The following MATCAP1 variants were observed in gnomAD, a reference collection of about 807,000 sequenced individuals.
MATCAP1 encodes microtubule associated tyrosine carboxypeptidase 1.
the MATCAP1 span, chr16:67,179,541 C>T: frequency 6.2e-7 from 1 of 1,613,178 alleles, no homozygotes; most frequent in South Asian, 1.1e-5. This position sits in a 1 kb window ranked among gnomAD's most constrained non-coding sequence, Gnocchi z 5.2. Flanking sequence ...GACAGCAGGT[C>T]CTCACTCAGC....
the MATCAP1 span, chr16:67,181,658 C>A: frequency 6.6e-6 from 1 of 152,286 alleles, no homozygotes; most frequent in African/African-American, 2.4e-5. Flanking sequence ...CTCTACTGGA[C>A]TCTTTCCATC....
chr16:67,176,155 A>T, the MATCAP1 span: 1 of 149,078 alleles, frequency 6.7e-6, no homozygotes, highest in African/African-American at 2.6e-5. The surrounding 1 kb of genome is among the most constrained non-coding windows in gnomAD (Gnocchi z 4.3). Context: ...GGTGCCTTCC[A>T]AGAAGGAGTG....
At chr16:67,179,858 G>A in the MATCAP1 span, 13 of 1,614,170 alleles carry the variant, frequency 8.1e-6, no homozygotes, top group South Asian at 2.2e-5. The surrounding 1 kb of genome is among the most constrained non-coding windows in gnomAD (Gnocchi z 5.2). Context: ...GCGCACAATC[G>A]ACCATATCTG....
the MATCAP1 span, chr16:67,178,322 G>A: frequency 1.1e-5 from 17 of 1,582,070 alleles, no homozygotes; most frequent in Admixed American, 1.8e-5. Context: ...CGCGCGGCGC[G>A]GTGGATGGTG....
the MATCAP1 span, chr16:67,179,794 G>C: frequency 6.2e-7 from 1 of 1,613,114 alleles, no homozygotes; most frequent in Non-Finnish European, 8.5e-7. The surrounding 1 kb of genome is among the most constrained non-coding windows in gnomAD (Gnocchi z 5.2). Context: ...TGTAGAGGAA[G>C]GGCTCTGCAG....
the MATCAP1 span, chr16:67,178,207 G>C: frequency 9.1e-6 from 14 of 1,532,608 alleles, no homozygotes; most frequent in Non-Finnish European, 1.2e-5. Flanking sequence ...ACCTGGCAGC[G>C]AGGTGTCGGT....
the MATCAP1 span, chr16:67,175,614 TTTTAA>T: frequency 6.4e-6 from 1 of 155,168 alleles, no homozygotes; most frequent in South Asian, 2.0e-4. Context: ...GTCATTACTG[TTTTAA>T]TTGTCTGGCT....
chr16:67,178,095 T>C, the MATCAP1 span: 6 of 1,613,742 alleles, frequency 3.7e-6, no homozygotes, highest in Non-Finnish European at 5.1e-6. Context: ...CACCTGGTCC[T>C]TGCTGAAACA....
At chr16:67,176,734 A>T in the MATCAP1 span, 1 of 1,369,318 alleles carries the variant, frequency 7.3e-7, no homozygotes, top group East Asian at 2.7e-5. This position sits in a 1 kb window ranked among gnomAD's most constrained non-coding sequence, Gnocchi z 4.3. Context: ...GTGGACGCAC[A>T]GAGCAAACTG....
At chr16:67,177,371 G>A in the MATCAP1 span, among the ~76,000 whole-genome samples, 6 of 152,094 alleles carry the variant, frequency 3.9e-5, no homozygotes, top group East Asian at 1.9e-4. Context: ...TCAGATTCCC[G>A]GGAGGGGGCT....
At chr16:67,181,738 C>T in the MATCAP1 span, 1 of 152,354 alleles carries the variant, frequency 6.6e-6, no homozygotes, top group Non-Finnish European at 1.5e-5. Flanking sequence ...ACCCACACTC[C>T]TCCAGCTACA....
the MATCAP1 span, chr16:67,178,165 CG>C: frequency 6.5e-7 from 1 of 1,546,326 alleles, no homozygotes; most frequent in African/African-American, 1.4e-5. Flanking sequence ...GCCCCCACCC[CG>C]GCTCTAGGCA....
chr16:67,176,665 G>T, the MATCAP1 span: 2 of 713,728 alleles, frequency 2.8e-6, no homozygotes, highest in Non-Finnish European at 2.1e-6. The surrounding 1 kb of genome is among the most constrained non-coding windows in gnomAD (Gnocchi z 4.3). Context: ...CTTTGATGTT[G>T]CCACTCCTCC....
the MATCAP1 span, chr16:67,178,345 G>A: frequency 6.3e-6 from 10 of 1,577,414 alleles, no homozygotes; most frequent in Non-Finnish European, 3.4e-6. Context: ...GTAGAGCAGT[G>A]CAGCGCGCCA....
the MATCAP1 span, chr16:67,176,817 G>C: frequency 6.3e-7 from 1 of 1,587,510 alleles, no homozygotes. This position sits in a 1 kb window ranked among gnomAD's most constrained non-coding sequence, Gnocchi z 4.3. Context: ...GACATCAGTC[G>C]GGTAGCAGGC....
At chr16:67,177,676 T>C in the MATCAP1 span, among the ~76,000 whole-genome samples, 3 of 152,194 alleles carry the variant, frequency 2.0e-5, no homozygotes, top group East Asian at 5.8e-4. Flanking sequence ...TCAGATGAAA[T>C]CTACTTTCCT....
chr16:67,179,425 C>A, the MATCAP1 span: 1 of 1,606,108 alleles, frequency 6.2e-7, no homozygotes, highest in Non-Finnish European at 8.5e-7. The surrounding 1 kb of genome is among the most constrained non-coding windows in gnomAD (Gnocchi z 5.2). Context: ...TACCCACACC[C>A]TGACCTATCT....
At chr16:67,183,195 C>T in the MATCAP1 span, 1 of 152,286 alleles carries the variant, frequency 6.6e-6, no homozygotes, top group African/African-American at 2.4e-5. Flanking sequence ...TTTTTGGACT[C>T]CTCACCCCTT....
chr16:67,179,640 AGCGAGGCCAGACAATTG>A, the MATCAP1 span: 1 of 1,496,946 alleles, frequency 6.7e-7, no homozygotes, highest in Admixed American at 1.7e-5. The surrounding 1 kb of genome is among the most constrained non-coding windows in gnomAD (Gnocchi z 5.2). Flanking sequence ...GCCACAGGGC[AGCGAGGCCAGACAATTG>A]GCCAGGGCAC....
Sources: gnomAD v4.1 joint callset for allele counts (sites outside exome capture counted in the v4.1 genomes callset) on GRCh38, gnomAD v4.1.1 for gene constraint, Gnocchi (gnomAD v3.1) non-coding constraint, MANE v1.5 for transcripts, NCBI Gene and HGNC (gene_info 2026-07-23, HGNC 2026-07-21) for gene names.